ST8SIA6: variants seen among roughly 807,000 people sequenced by gnomAD.
ST8SIA6 encodes the protein ST8 alpha-N-acetyl-neuraminide alpha-2,8-sialyltransferase 6.
In ST8SIA6, 39 loss-of-function variants were observed where a neutral mutation model predicts 33.6. That is an observed-to-expected ratio of 1.16 (90% confidence interval 0.90 to 1.52). The LOEUF is 1.52. Among genes scored for constraint, ST8SIA6 ranks in the 40% most tolerant of loss-of-function variants. The probability of loss-of-function intolerance (pLI) is 0.00; values close to 1 mark genes in which losing one functional copy is unlikely to be tolerated. For missense variants in ST8SIA6, 441 were observed against 443.8 expected (o/e 0.99, Z 0.06); for synonymous variants, 172 against 167.2 (o/e 1.03, Z -0.22).
At chr10:17,379,277 G>A (rs552355173) in intron 3 of ST8SIA6, among the ~76,000 whole-genome samples, 1 of 152,252 alleles carries the variant, frequency 6.6e-6, no homozygotes, top group South Asian at 2.1e-4. Flanking sequence ...GAGAGAGGCA[G>A]AGAGAGGGAA....
At position 17,440,901 on chromosome 10, in the gene ST8SIA6, A is replaced by G. The variant is rs1158415344; in HGVS notation, c.200+12658T>C. Among the ~76,000 whole-genome samples, 3 of 152,184 alleles carry G rather than the reference A, an allele frequency of 2.0e-5. No individual in the cohort carries two copies. The South Asian group carries it at 6.2e-4, about 32-fold the overall frequency. On this transcript the variant is annotated intron_variant, in intron 2 of 7. Coordinates refer to ENST00000377602, the MANE Select transcript of ST8SIA6 (RefSeq NM_001004470.3). ...TCACATGCTTATTAGCCATCTGTCT[A>G]TCTTCTTTGCTGAAGATAGGTCTTC...
Position 17,454,003 on chromosome 10 carries a change from C to G in ST8SIA6, c.101+152G>C, listed in dbSNP as rs377046404. ...GTCGCCTCCCTGCGACCCCCTCCCC[C>G]ACTCCACTCTCAGGCCGTCGCCGCC... On this transcript the variant is annotated intron_variant, in intron 1 of 7. Coordinates refer to ENST00000377602, the MANE Select transcript of ST8SIA6 (RefSeq NM_001004470.3). This position sits in a 1 kb window ranked among gnomAD's most constrained non-coding sequence, Gnocchi z 4.1. 282 of 277,612 alleles carry G rather than the reference C, an allele frequency of 1.0e-3. 1 individual carries two copies. The highest frequency in any genetic ancestry group is 5.9e-3 in the African/African-American group (265 of 45,128). The allele number at this position is 277,612 out of a possible 1,614,324, so 17.2% of individuals were successfully genotyped here. A position where few individuals can be genotyped will look rare whatever the true frequency, so the allele number is the denominator to read the frequency against.
intron 2 of ST8SIA6, among the ~76,000 whole-genome samples, chr10:17,437,657 CCTTCCT>C (rs1852321434): frequency 9.5e-6 from 1 of 104,888 alleles, no homozygotes; most frequent in South Asian, 3.1e-4. Flanking sequence ...TTCCTTCCTT[CCTTCCT>C]TCTGTCTCTC....
chr10:17,397,138 C>A (rs1050504504), intron 2 of ST8SIA6, among the ~76,000 whole-genome samples: 38 of 151,966 alleles, frequency 2.5e-4, no homozygotes, highest in African/African-American at 9.2e-4. Context: ...TCTTAGCCTG[C>A]TGGCTTCCTG....
At chr10:17,422,789 G>C (rs1192303677) in intron 2 of ST8SIA6, among the ~76,000 whole-genome samples, 1 of 152,194 alleles carries the variant, frequency 6.6e-6, no homozygotes, top group African/African-American at 2.4e-5. Context: ...GGGTTTCACT[G>C]ATTGAGTATC....
At chr10:17,453,962 G>A (rs1853020994) in intron 1 of ST8SIA6, among the ~76,000 whole-genome samples, 193 bp downstream of exon 1, 1 of 152,040 alleles carries the variant, frequency 6.6e-6, no homozygotes, top group African/African-American at 2.4e-5. Flanking sequence ...CCCAGCCGCC[G>A]TCCACCGGTC....
intron 2 of ST8SIA6, among the ~76,000 whole-genome samples, chr10:17,443,651 T>C (rs969272309): frequency 6.6e-6 from 1 of 152,188 alleles, no homozygotes; most frequent in Non-Finnish European, 1.5e-5. Flanking sequence ...TCTTAGTACT[T>C]GGTGAAAAAT....
chr10:17,432,899 C>G (rs1230431199), intron 2 of ST8SIA6, among the ~76,000 whole-genome samples: 1 of 152,178 alleles, frequency 6.6e-6, no homozygotes, highest in African/African-American at 2.4e-5. Flanking sequence ...CAAACGCCAA[C>G]CTGTAACCAA....
chr10:17,447,042 G>T (rs112332208), intron 2 of ST8SIA6, among the ~76,000 whole-genome samples: 2,038 of 145,192 alleles, frequency 0.014, 26 homozygotes, highest in Non-Finnish European at 0.023. Context: ...AAAAAAAAAA[G>T]AAAAAGAGAA....
At chr10:17,384,420 A>G (rs1451353763) in intron 3 of ST8SIA6, among the ~76,000 whole-genome samples, 1 of 152,246 alleles carries the variant, frequency 6.6e-6, no homozygotes, top group Non-Finnish European at 1.5e-5. Flanking sequence ...TGCACTATAT[A>G]CAAATAATTA....
At chr10:17,437,169 A>T (rs370435460) in intron 2 of ST8SIA6, among the ~76,000 whole-genome samples, 8 of 152,024 alleles carry the variant, frequency 5.3e-5, no homozygotes, top group African/African-American at 1.9e-4. Flanking sequence ...CGTATTTCAC[A>T]TATATTTGAG....
At chr10:17,404,465 A>C (rs1182865150) in intron 2 of ST8SIA6, among the ~76,000 whole-genome samples, 2 of 152,154 alleles carry the variant, frequency 1.3e-5, no homozygotes, top group Non-Finnish European at 2.9e-5. Context: ...AAGCTACCCC[A>C]GTTCTTTTTC....
intron 3 of ST8SIA6, among the ~76,000 whole-genome samples, chr10:17,381,305 A>T (rs1233067166): frequency 6.6e-6 from 1 of 152,198 alleles, no homozygotes; most frequent in Non-Finnish European, 1.5e-5. Flanking sequence ...CTAGGGTTGT[A>T]AAACACATTA....
chr10:17,358,300 T>A (rs10795472), intron 4 of ST8SIA6, among the ~76,000 whole-genome samples: 25,224 of 151,954 alleles, frequency 0.17, 2,439 homozygotes, highest in East Asian at 0.49. Flanking sequence ...CAGCATATTC[T>A]GACTAAAGAA....
At chr10:17,408,820 A>G (rs971413198) in intron 2 of ST8SIA6, among the ~76,000 whole-genome samples, 17 of 152,008 alleles carry the variant, frequency 1.1e-4, no homozygotes, top group African/African-American at 4.1e-4. Flanking sequence ...TGATGGCACA[A>G]TGTTGGCTCA....
intron 3 of ST8SIA6, among the ~76,000 whole-genome samples, chr10:17,374,308 T>G (rs1290165321): frequency 6.6e-6 from 1 of 152,168 alleles, no homozygotes; most frequent in Non-Finnish European, 1.5e-5. Context: ...ACTGTAGTTG[T>G]TTTTCATGTA....
chr10:17,327,734 C>A (rs116248698), intron 5 of ST8SIA6, among the ~76,000 whole-genome samples: 1 of 152,112 alleles, frequency 6.6e-6, no homozygotes, highest in African/African-American at 2.4e-5. Context: ...AAGCAAGACT[C>A]TGTCTCTACA....
At chr10:17,366,414 G>A (rs1468986187) in intron 3 of ST8SIA6, among the ~76,000 whole-genome samples, 3 of 151,396 alleles carry the variant, frequency 2.0e-5, no homozygotes, top group African/African-American at 7.3e-5. Flanking sequence ...GTGCTGTACT[G>A]TATTATTTGA....
At chr10:17,350,841 C>A (rs996937975) in intron 4 of ST8SIA6, among the ~76,000 whole-genome samples, 10 of 152,122 alleles carry the variant, frequency 6.6e-5, no homozygotes, top group Non-Finnish European at 1.3e-4. Flanking sequence ...CAGGTTAATC[C>A]ATGACACTAA....
Sources: allele counts gnomAD v4.1 joint callset (sites outside exome capture counted in the v4.1 genomes callset), GRCh38; gene constraint gnomAD v4.1.1; non-coding constraint Gnocchi (gnomAD v3.1); transcripts MANE v1.5; gene names NCBI Gene and HGNC (gene_info 2026-07-23, HGNC 2026-07-21).